Variants in INCENP observed in about 807,000 individuals in gnomAD.
INCENP encodes binds and activates aurora-B and -C in vivo and in vitro.
In INCENP, 43 loss-of-function variants were observed where a neutral mutation model predicts 107.3. That is an observed-to-expected ratio of 0.40 (90% CI 0.31 to 0.52). INCENP has a LOEUF of 0.52. Ranked by LOEUF, INCENP falls within the 20% of genes least tolerant of loss-of-function variation. The pLI, the probability that INCENP is intolerant of heterozygous loss-of-function variation, is 0.53. For synonymous variants in INCENP, 488 were observed against 494.4 expected (o/e 0.99, Z 0.17); for missense variants, 1,089 against 1,250.9 (o/e 0.87, Z 1.95).
At chr11:62,145,578 G>A (rs1231348652) in intron 13 of INCENP, 51 bp from the exon 14 acceptor site, 6 of 1,558,434 alleles carry the variant, frequency 3.9e-6, no homozygotes, top group Admixed American at 1.9e-5. Context: ...GCTCCACTCT[G>A]CAGGATTGAA....
In INCENP at chr11:62,130,000, A is replaced by T. The variant is rs1479181944; in HGVS notation, c.473A>T (p.Asp158Val). Residue 158 changes from aspartate (D) to valine (V), a missense_variant, in exon 4 of 19, where the codon GAT (aspartate) becomes GTT (valine). Coordinates refer to ENST00000394818, the MANE Select transcript of INCENP (RefSeq NM_001040694.2). ...ACGATGCTGACTAAGAAGCCCGAGG[A>T]TAACCACACCCAGTGCCAGCTGGTG... Reference protein sequence around the residue: ...SPTMLTKKPEDNHTQCQLVPV... With the variant: ...SPTMLTKKPEVNHTQCQLVPV... 2 of 1,613,978 alleles carry T rather than the reference A, an allele frequency of 1.2e-6. No homozygotes were observed. Among genetic ancestry groups the T allele is most frequent in the Admixed American group, 3.3e-5 (2 of 60,006 alleles).
chr11:62,126,739 A>C (rs1486639548), intron 1 of INCENP, among the ~76,000 whole-genome samples: 8 of 152,232 alleles, frequency 5.3e-5, no homozygotes, highest in African/African-American at 1.9e-4. Context: ...CAAGTCCCTG[A>C]TATAAAATGA....
chr11:62,128,404 A>C, intron 2 of INCENP, 103 bp downstream of exon 2: 1 of 1,317,488 alleles, frequency 7.6e-7, no homozygotes, highest in Non-Finnish European at 1.1e-6. Context: ...CTGGCAAAAC[A>C]GACAGCCTGT....
chr11:62,130,005 C>A lies in INCENP; in HGVS notation c.478C>A (p.His160Asn), dbSNP rs770021592. 15 of 1,613,980 alleles carry A rather than the reference C, an allele frequency of 9.3e-6. No individual in the cohort carries two copies. Among genetic ancestry groups the A allele is most frequent in the Middle Eastern group, 1.6e-4 (1 of 6,084 alleles). The change falls in exon 4 of 19, where the codon CAC becomes AAC. Residue 160 changes from histidine (H) to asparagine (N), a missense_variant. His to Asn is a moderately conservative substitution (Grantham distance 68, BLOSUM62 1). Coordinates refer to ENST00000394818, the MANE Select transcript of INCENP (RefSeq NM_001040694.2). ...TMLTKKPEDNHTQCQLVPVVE... is the reference protein window; with the variant it reads ...TMLTKKPEDNNTQCQLVPVVE... ...GCTGACTAAGAAGCCCGAGGATAAC[C>A]ACACCCAGTGCCAGCTGGTGCCTGT... is the stretch of plus-strand genomic sequence containing the variant.
chr11:62,145,427 C>T (rs1944221380), intron 13 of INCENP, 138 bp downstream of exon 13: 1 of 1,402,042 alleles, frequency 7.1e-7, no homozygotes, highest in Non-Finnish European at 9.7e-7. Context: ...CTGGAGTCCA[C>T]TCAGCTCTGG....
chr11:62,145,364 T>C (rs933098867), intron 13 of INCENP, 75 bp downstream of exon 13: 15 of 1,592,462 alleles, frequency 9.4e-6, no homozygotes, highest in Middle Eastern at 1.7e-4. Flanking sequence ...CCTCAGGAAA[T>C]TGCAGATTTG....
Position 62,128,823 on chromosome 11 carries a change from G to C in INCENP, c.194G>C (p.Arg65Pro). 2.5e-6 allele frequency: 4 copies of C among 1,614,130 alleles called. No individual in the cohort carries two copies. Among genetic ancestry groups the C allele is most frequent in the Non-Finnish European group, 2.5e-6 (3 of 1,179,982 alleles). Reference sequence around the variant, plus strand: ...CCCAAAACACCTTCTCAGAAGAACCGACGGAAGAAGAGACGGATTTCTTAT... The same window carrying C: ...CCCAAAACACCTTCTCAGAAGAACCCACGGAAGAAGAGACGGATTTCTTAT... ...LMPKTPSQKN[R>P]RKKRRISYVQ... The change falls in exon 3 of 19, where the codon CGA becomes CCA. Residue 65 changes from arginine to proline, a missense_variant. Coordinates refer to ENST00000394818, the MANE Select transcript of INCENP (RefSeq NM_001040694.2).
At chr11:62,140,101 C>T in intron 7 of INCENP, 133 bp from the exon 8 acceptor site, 1 of 743,738 alleles carries the variant, frequency 1.3e-6, no homozygotes, top group South Asian at 1.5e-5. Context: ...GTTTGGCCAC[C>T]CCGGAGCTGC....
At chr11:62,132,915 G>A (rs1416653538) in intron 4 of INCENP, among the ~76,000 whole-genome samples, 1 of 152,200 alleles carries the variant, frequency 6.6e-6, no homozygotes, top group African/African-American at 2.4e-5. Context: ...TCTGTGAAAT[G>A]GTGATAACAC....
In INCENP at chr11:62,152,434, G is replaced by A. The variant is rs1266104474; in HGVS notation, c.*458G>A. ...ACGAAGGTACTGTTCCATCACCTGC[G>A]GTGTGCCTCAGGATCACCAGGTGCA... On this transcript the variant is annotated 3_prime_UTR_variant, in exon 19 of 19. Transcript: ENST00000394818. The A allele has an allele frequency of 5.8e-6, 1 of 171,948 alleles. No homozygotes were observed. Among genetic ancestry groups the A allele is most frequent in the Non-Finnish European group, 1.2e-5 (1 of 81,268 alleles). The allele number at this position is 171,948 out of a possible 1,614,324, so 10.7% of individuals were successfully genotyped here.
intron 4 of INCENP, among the ~76,000 whole-genome samples, chr11:62,132,862 C>T (rs1340562026): frequency 1.3e-5 from 2 of 152,140 alleles, no homozygotes; most frequent in South Asian, 2.1e-4. Context: ...TCACACAGAC[C>T]CTGGGTGACC....
At chr11:62,131,970 G>A (rs1176887216) in intron 4 of INCENP, among the ~76,000 whole-genome samples, 2 of 151,958 alleles carry the variant, frequency 1.3e-5, no homozygotes, top group Non-Finnish European at 2.9e-5. Context: ...TTGTTTTTTA[G>A]TAGAGATGGG....
Position 62,130,265 on chromosome 11 carries a change from A to G in INCENP, c.738A>G (p.Gln246=). ...CTACACCCCAGGACCCCAAGGGTCA[A>G]GGGGTCGGGACGGGGCGGTCTGCGT... ...LMATPQDPKG[Q]GVGTGRSASK... Residue 246 remains glutamine, a synonymous_variant, in exon 4 of 19, where the codon CAA becomes CAG. Coordinates refer to ENST00000394818, the MANE Select transcript of INCENP (RefSeq NM_001040694.2). The G allele has an allele frequency of 6.2e-7, 1 of 1,613,072 alleles. No homozygotes were observed. The highest frequency in any genetic ancestry group is 8.5e-7 in the Non-Finnish European group (1 of 1,179,990).
At position 62,141,074 on chromosome 11, in the gene INCENP, G is replaced by C. The variant is rs142105337; in HGVS notation, c.1593+30G>C. ...GGGGCCTGTGCCCAGGCCGGGCTTT[G>C]TGGGAGCTGGGCAGTGTGGCTGAAG... On this transcript the variant is annotated intron_variant, in intron 10 of 18. Coordinates refer to ENST00000394818, the MANE Select transcript of INCENP (RefSeq NM_001040694.2). The C allele has an allele frequency of 1.6e-3, 2,526 of 1,599,864 alleles. 53 individuals are homozygous for C. In the African/African-American group the frequency reaches 0.03, roughly 19 times the overall value.
Position 62,150,189 on chromosome 11 carries a change from A to G in INCENP, c.2524A>G (p.Ile842Val), listed in dbSNP as rs546616427. The G allele has an allele frequency of 1.2e-6, 2 of 1,614,022 alleles. No homozygotes were observed. The highest frequency in any genetic ancestry group is 1.1e-5 in the South Asian group (1 of 91,070). The change falls in exon 18 of 19, where the codon ATC becomes GTC. Residue 842 changes from isoleucine (I) to valine (V), a missense_variant. Coordinates refer to ENST00000394818, the MANE Select transcript of INCENP (RefSeq NM_001040694.2). Reference protein sequence around the residue: ...TDDEAHPRKPIPTWARGTPLS... With the variant: ...TDDEAHPRKPVPTWARGTPLS... ...TGATGAGGCCCATCCCCGGAAGCCCATCCCCACCTGGGCCCGAGGTAAGCA... is the reference window on the plus strand; with the variant it reads ...TGATGAGGCCCATCCCCGGAAGCCCGTCCCCACCTGGGCCCGAGGTAAGCA...
chr11:62,128,880 G>A lies in INCENP; in HGVS notation c.251G>A (p.Arg84Lys). The A allele has an allele frequency of 6.2e-7, 1 of 1,602,058 alleles. No homozygotes were observed. The highest frequency in any genetic ancestry group is 1.3e-5 in the African/African-American group (1 of 74,836). Residue 84 changes from arginine to lysine, a missense_variant, in exon 3 of 19, where the codon AGA becomes AAA. Physicochemically the swap from Arg to Lys is conservative, Grantham distance 26. Coordinates refer to ENST00000394818, the MANE Select transcript of INCENP (RefSeq NM_001040694.2). The stretch of plus-strand genomic sequence containing the variant: ...GATGAAAACAGAGATCCCATCAGGA[G>A]AAGGTAGGAGGGGTTGGGGGAGAGT... ...VQDENRDPIRRRLSRRKSRSS... is the reference protein window; with the variant it reads ...VQDENRDPIRKRLSRRKSRSS...
intron 4 of INCENP, among the ~76,000 whole-genome samples, chr11:62,131,337 C>T (rs1021253133): frequency 1.3e-5 from 2 of 152,174 alleles, no homozygotes; most frequent in Non-Finnish European, 2.9e-5. Flanking sequence ...TTTGGTCACC[C>T]CACACAGGGA....
chr11:62,149,707 G>T (rs533009646), intron 17 of INCENP, among the ~76,000 whole-genome samples: 75 of 152,246 alleles, frequency 4.9e-4, no homozygotes, highest in African/African-American at 1.8e-3. Flanking sequence ...GATTACTTGA[G>T]GTCAGGAGTT....
At chr11:62,139,971 G>A (rs887484869) in intron 7 of INCENP, among the ~76,000 whole-genome samples, 1 of 152,236 alleles carries the variant, frequency 6.6e-6, no homozygotes, top group East Asian at 1.9e-4. Flanking sequence ...TAGAGGCCGG[G>A]TTTCACTATG....
Sources: gnomAD v4.1 joint callset for allele counts (sites outside exome capture counted in the v4.1 genomes callset) on GRCh38, gnomAD v4.1.1 for gene constraint, MANE v1.5 for transcripts, NCBI Gene and HGNC (gene_info 2026-07-23, HGNC 2026-07-21) for gene names.